The following KLC1 variants were observed in gnomAD, a reference collection of about 807,000 sequenced individuals.
KLC1 encodes kinesin 2 60/70kDa.
KLC1 carries 30 observed loss-of-function variants against 84.2 expected under a neutral mutation model. That is an observed-to-expected ratio of 0.36 (90% confidence interval 0.27 to 0.48). The LOEUF is 0.48. KLC1 is among the 20% of genes least tolerant of loss of function. The pLI is 0.99. For synonymous variants in KLC1, 289 were observed against 293.3 expected (o/e 0.99, Z 0.15); for missense variants, 499 against 805.4 (o/e 0.62, Z 4.60).
intron 1 of KLC1, among the ~76,000 whole-genome samples, chr14:103,654,111 A>G (rs2078670327): frequency 6.6e-6 from 1 of 151,920 alleles, no homozygotes; most frequent in African/African-American, 2.4e-5. Context: ...TTCCTGTTCC[A>G]TGTTCTTTGG....
intron 5 of KLC1, among the ~76,000 whole-genome samples, chr14:103,666,770 T>A (rs1460989301): frequency 8.5e-6 from 1 of 117,268 alleles, no homozygotes; most frequent in Non-Finnish European, 1.8e-5. Context: ...GGCCATTTTT[T>A]TTCTTTCTTT....
intron 1 of KLC1, among the ~76,000 whole-genome samples, 184 bp downstream of exon 1, chr14:103,629,678 G>T (rs1381188861): frequency 1.4e-5 from 2 of 139,856 alleles, no homozygotes; most frequent in Non-Finnish European, 3.1e-5. Context: ...CGCCCCGGCC[G>T]GTCCGCGACC....
At chr14:103,651,592 C>T (rs1334501436) in intron 1 of KLC1, among the ~76,000 whole-genome samples, 1 of 152,176 alleles carries the variant, frequency 6.6e-6, no homozygotes, top group Non-Finnish European at 1.5e-5. Flanking sequence ...CTGTTTCCCT[C>T]TGAAGAAGTG....
chr14:103,672,065 G>A (rs557508616), intron 7 of KLC1, among the ~76,000 whole-genome samples: 1 of 152,310 alleles, frequency 6.6e-6, no homozygotes, highest in South Asian at 2.1e-4. Context: ...GACCGCAGAG[G>A]GCACATCAGC....
intron 1 of KLC1, among the ~76,000 whole-genome samples, chr14:103,650,504 A>G (rs568744799): frequency 9.2e-5 from 14 of 152,160 alleles, no homozygotes; most frequent in African/African-American, 3.1e-4. Context: ...GTTTGAGTCA[A>G]CTTAGATACT....
At chr14:103,662,063 AG>A in intron 3 of KLC1, 52 bp from the exon 4 acceptor site, 5 of 1,200,126 alleles carry the variant, frequency 4.2e-6, no homozygotes, top group Non-Finnish European at 6.1e-6. Context: ...TTTTCAGGAC[AG>A]GATGTGTATA....
intron 13 of KLC1, chr14:103,683,633 A>C (rs1053960032): frequency 1.3e-5 from 2 of 152,162 alleles, no homozygotes; most frequent in African/African-American, 4.8e-5. Flanking sequence ...GTAAAGACAC[A>C]CAGAGCCACA....
intron 1 of KLC1, among the ~76,000 whole-genome samples, chr14:103,652,128 T>C (rs1204247552): frequency 6.6e-6 from 1 of 152,252 alleles, no homozygotes; most frequent in Non-Finnish European, 1.5e-5. Flanking sequence ...AATACATAAA[T>C]ACTTTGCTGT....
chr14:103,700,693 G>C lies in KLC1; in HGVS notation c.1887G>C (p.Gln629His). The C allele has an allele frequency of 6.2e-7, 1 of 1,604,166 alleles. No homozygotes were observed. Among genetic ancestry groups the C allele is most frequent in the Non-Finnish European group, 8.5e-7 (1 of 1,175,904 alleles). Residue 629 changes from glutamine to histidine, a missense_variant, in exon 16 of 17, where the codon CAG becomes CAC. Gln to His is a conservative substitution (Grantham distance 24). Transcript: ENST00000334553. ...SGRASFCGKRQQQQWPGRRHR is the reference protein window; with the variant it reads ...SGRASFCGKRHQQQWPGRRHR ...GAGCCTCTTTTTGTGGAAAACGACA[G>C]CAGCAGCAGTGGCCTGGAAGACGCC...
intron 15 of KLC1, chr14:103,695,415 C>G: frequency 1.0e-6 from 1 of 983,578 alleles, no homozygotes; most frequent in Non-Finnish European, 1.2e-6. Flanking sequence ...CAACCCCCCC[C>G]AAAAAAAGGG....
chr14:103,681,206 G>A (rs942385718), intron 13 of KLC1, among the ~76,000 whole-genome samples: 2 of 152,152 alleles, frequency 1.3e-5, no homozygotes, highest in Non-Finnish European at 2.9e-5. Flanking sequence ...CCCAGGGTGC[G>A]TTGGCCACGG....
rs1024063137 is a variant in KLC1 at position 103,629,438 on chromosome 14, C to T, written c.-58C>T. On this transcript the variant is annotated 5_prime_UTR_variant, in exon 1 of 17. Transcript: ENST00000334553. ...CACAGTCGCTGCTCCGCGCGCGCGC[C>T]CGGCGGCGCTCCAGGTGCTGACAGC... 2.6e-5 allele frequency: 4 copies of T among 152,232 alleles called. No homozygotes were observed. Among genetic ancestry groups the T allele is most frequent in the Admixed American group, 2.6e-4 (4 of 15,268 alleles). The allele number at this position is 152,232 out of a possible 1,614,324, so 9.4% of individuals were successfully genotyped here.
At chr14:103,686,383 G>A (rs2081781856) in intron 13 of KLC1, 2 of 199,798 alleles carry the variant, frequency 1.0e-5, no homozygotes, top group Admixed American at 1.3e-4. Flanking sequence ...TCTTCACTCT[G>A]TGTTTTTTAT....
intron 13 of KLC1, among the ~76,000 whole-genome samples, chr14:103,681,168 A>T (rs1482853771): frequency 2.0e-5 from 3 of 152,132 alleles, no homozygotes; most frequent in African/African-American, 7.2e-5. Context: ...GTGTCCCCTG[A>T]TAGCTCTGCA....
chr14:103,661,414 A>G (rs919233338), intron 3 of KLC1, among the ~76,000 whole-genome samples: 6 of 152,128 alleles, frequency 3.9e-5, no homozygotes, highest in African/African-American at 9.7e-5. Flanking sequence ...TTTGTCCATC[A>G]TTCCTCAGTT....
At chr14:103,632,053 A>C (rs1488524097) in intron 1 of KLC1, among the ~76,000 whole-genome samples, 1 of 152,234 alleles carries the variant, frequency 6.6e-6, no homozygotes, top group African/African-American at 2.4e-5. Context: ...GTTGGGAACC[A>C]ACTGAATGGC....
rs1223993824 is a variant in KLC1 at position 103,673,198 on chromosome 14, T to C, written c.1161+11T>C. On this transcript the variant is annotated intron_variant, in intron 8 of 16. Transcript: ENST00000334553. ...ACGAAAAATAACCTGGTGTGTTGAC[T>C]GCACAGCACTAGGGAGGGGGCCAGG... 6.2e-7 allele frequency: 1 copy of C among 1,609,118 alleles called. No individual in the cohort carries two copies. The highest frequency in any genetic ancestry group is 1.7e-5 in the Admixed American group (1 of 59,010).
intron 1 of KLC1, among the ~76,000 whole-genome samples, chr14:103,649,379 G>T (rs1008344713): frequency 6.6e-6 from 1 of 151,912 alleles, no homozygotes; most frequent in Non-Finnish European, 1.5e-5. Flanking sequence ...CAATTATAGG[G>T]TTTTTTTGGT....
chr14:103,660,033 G>A (rs1169727944), intron 3 of KLC1, among the ~76,000 whole-genome samples: 4 of 152,060 alleles, frequency 2.6e-5, no homozygotes, highest in Middle Eastern at 3.2e-3. Context: ...ACCTCCCAAA[G>A]GTTTCATCTC....
Sources: allele counts gnomAD v4.1 joint callset (sites outside exome capture counted in the v4.1 genomes callset), GRCh38; gene constraint gnomAD v4.1.1; transcripts MANE v1.5; gene names NCBI Gene and HGNC (gene_info 2026-07-23, HGNC 2026-07-21).